The following LRFN1 variants were observed in gnomAD, a reference collection of about 807,000 sequenced individuals.
LRFN1 encodes leucine-rich repeat and fibronectin type III domain-containing protein 1.
LRFN1 carries 20 observed loss-of-function variants against 31.8 expected under a neutral mutation model. The ratio of observed to expected loss-of-function variants is 0.63; its 90% CI spans 0.44 to 0.91. The LOEUF (loss-of-function observed/expected upper bound fraction) is 0.91. Among genes scored for constraint, LRFN1 ranks in the 40% least tolerant of loss-of-function variants. The pLI is 0.00. For synonymous variants in LRFN1, 514 were observed against 541.3 expected, an observed-to-expected ratio of 0.95 and a Z score of 0.70; for missense variants, 912 against 1,129.8, an observed-to-expected ratio of 0.81 and a Z score of 2.76.
Position 39,314,569 on chromosome 19 carries a change from G to C in LRFN1, c.768C>G (p.Cys256Trp). The change falls in exon 4 of 5, where the codon TGC (cysteine) becomes TGG (tryptophan). Residue 256 changes from cysteine (C) to tryptophan (W), a missense_variant. By Grantham distance (215) the Cys-to-Trp change is radical. This residue lies in a region of LRFN1 where 401 missense variants were observed against 572.7 expected (regional missense o/e 0.70). Coordinates refer to ENST00000248668, the MANE Select transcript of LRFN1 (RefSeq NM_020862.2). ...GCCGCAGCCAGAGCAGCTCGCAGTT[G>C]CAGTGCAGGGGGTTGCCGCCGAAGC... ...TVSFGGNPLH[C>W]NCELLWLRRL... 6.2e-7 allele frequency: 1 copy of C among 1,610,234 alleles called. No individual in the cohort carries two copies. Among genetic ancestry groups the C allele is most frequent in the Non-Finnish European group, 8.5e-7 (1 of 1,178,690 alleles).
In LRFN1 at chr19:39,315,100, G is replaced by T. The variant is rs764514391; in HGVS notation, c.237C>A (p.Ala79=). 6.3e-7 allele frequency: 1 copy of T among 1,594,222 alleles called. No homozygotes were observed. Among genetic ancestry groups the T allele is most frequent in the Admixed American group, 1.7e-5 (1 of 59,360 alleles). Residue 79 remains alanine (A), a synonymous_variant, in exon 4 of 5, where the codon GCC becomes GCA. Coordinates refer to ENST00000248668, the MANE Select transcript of LRFN1 (RefSeq NM_020862.2). This position sits in a 1 kb window ranked among gnomAD's most constrained non-coding sequence, Gnocchi z 4.7. ...TGTTGGCGAAGTCTCGGCGGCGCAC[G>T]GCGGCGATGAAGTTGTCGGTGAGCC... ...ELRLTDNFIA[A]VRRRDFANMT... is the part of the protein sequence containing the mutation.
Position 39,307,311 on chromosome 19 carries a change from G to C in LRFN1, c.*322C>G, listed in dbSNP as rs1396348121. Reference sequence around the variant, plus strand: ...GTGTCTCAGTGCTGCAGTGTCAGGGGGCCCTGCCCCTCCCCGCGCTTCGCT... The same window carrying C: ...GTGTCTCAGTGCTGCAGTGTCAGGGCGCCCTGCCCCTCCCCGCGCTTCGCT... On this transcript the variant is annotated 3_prime_UTR_variant, in exon 5 of 5. Coordinates refer to ENST00000248668, the MANE Select transcript of LRFN1 (RefSeq NM_020862.2). The surrounding 1 kb of genome is among the most constrained non-coding windows in gnomAD (Gnocchi z 6.7). 7.5e-6 allele frequency: 3 copies of C among 399,686 alleles called. No individual in the cohort carries two copies. 24.8% of individuals were successfully genotyped at this position (399,686 alleles called of 1,614,324 possible).
intron 2 of LRFN1, among the ~76,000 whole-genome samples, chr19:39,317,885 A>G (rs1309700997): frequency 6.6e-6 from 1 of 152,184 alleles, no homozygotes; most frequent in Non-Finnish European, 1.5e-5. Flanking sequence ...CTCAGCCACC[A>G]GGAGGTCAGG....
rs530577309 is a variant in LRFN1, at chr19:39,320,368, G to A, written c.-126+425C>T. 7.4e-5 allele frequency among the ~76,000 whole-genome samples: 11 copies of A among 148,662 alleles called. No homozygotes were observed. The South Asian group carries it at 1.3e-3, about 17-fold the overall frequency. On this transcript the variant is annotated intron_variant, in intron 1 of 4. Coordinates refer to ENST00000248668, the MANE Select transcript of LRFN1 (RefSeq NM_020862.2). ...AATGGACACCCGAGCGGGCACACCC[G>A]GCTCCACAGACCCGGGGATGGACAT...
intron 2 of LRFN1, among the ~76,000 whole-genome samples, 178 bp from the exon 3 acceptor site, chr19:39,316,314 G>C (rs548766401): frequency 5.9e-5 from 9 of 152,170 alleles, no homozygotes; most frequent in Non-Finnish European, 1.3e-4. Flanking sequence ...CTATTATTGA[G>C]AGTAAGTACT....
chr19:39,313,669 C>T (rs1414901970), intron 4 of LRFN1, among the ~76,000 whole-genome samples: 1 of 152,200 alleles, frequency 6.6e-6, no homozygotes, highest in Non-Finnish European at 1.5e-5. Flanking sequence ...GGGCAGGGTT[C>T]ATGCTGAGCT....
Position 39,307,364 on chromosome 19 carries a change from C to G in LRFN1, c.*269G>C, listed in dbSNP as rs897536557. 2.5e-6 allele frequency: 1 copy of G among 405,650 alleles called. No individual in the cohort carries two copies. Among genetic ancestry groups the G allele is most frequent in the East Asian group, 3.6e-5 (1 of 28,038 alleles). The allele number at this position is 405,650 out of a possible 1,614,324, so 25.1% of individuals were successfully genotyped here. The stretch of plus-strand genomic sequence containing the variant: ...GTAAGGCACCGGCTCCAGCGAGGTC[C>G]GCGAGCGCGCGAGGGGAGGGGTAGG... On this transcript the variant is annotated 3_prime_UTR_variant, in exon 5 of 5. Transcript: ENST00000248668. This position sits in a 1 kb window ranked among gnomAD's most constrained non-coding sequence, Gnocchi z 6.7.
At chr19:39,312,083 T>A (rs1568568806) in intron 4 of LRFN1, among the ~76,000 whole-genome samples, 1 of 152,046 alleles carries the variant, frequency 6.6e-6, no homozygotes, top group Non-Finnish European at 1.5e-5. Context: ...TTGGCCAGGC[T>A]GGTCTTGAAC....
chr19:39,314,178 C>T lies in LRFN1; in HGVS notation c.1159G>A (p.Val387Met), dbSNP rs2145035125. Reference sequence around the variant, plus strand: ...GGTGCCATCAGAGGCAGAGGTACCACGCACACCTCCACGGGCGCCGTCGCT... The same window carrying T: ...GGTGCCATCAGAGGCAGAGGTACCATGCACACCTCCACGGGCGCCGTCGCT... Reference protein sequence around the residue: ...GEATAPVEVCVVPLPLMAPPP... With the variant: ...GEATAPVEVCMVPLPLMAPPP... The change falls in exon 4 of 5, where the codon GTG (valine) becomes ATG (methionine). Residue 387 changes from valine to methionine, a missense_variant. Physicochemically the swap from Val to Met is conservative, Grantham distance 21. Coordinates refer to ENST00000248668, the MANE Select transcript of LRFN1 (RefSeq NM_020862.2). 4 of 1,613,170 alleles carry T rather than the reference C, an allele frequency of 2.5e-6. No homozygotes were observed. The highest frequency in any genetic ancestry group is 3.4e-6 in the Non-Finnish European group (4 of 1,179,666).
intron 2 of LRFN1, among the ~76,000 whole-genome samples, chr19:39,316,339 A>G (rs972646184): frequency 3.9e-5 from 6 of 152,162 alleles, no homozygotes; most frequent in African/African-American, 1.4e-4. Flanking sequence ...AATCAAACAG[A>G]CTCAGGTTCA....
Position 39,314,452 on chromosome 19 carries a change from C to T in LRFN1, c.885G>A (p.Leu295=). Residue 295 remains leucine (L), a synonymous_variant, in exon 4 of 5, where the codon CTG becomes CTA. Transcript: ENST00000248668. ...YFWSIPEEEF[L]CEPPLITRQA... The stretch of plus-strand genomic sequence containing the variant: ...GCCGTGTGATCAGCGGGGGCTCACA[C>T]AGGAACTCCTCCTCGGGGATGGACC... 1 of 1,610,006 alleles carries T rather than the reference C, an allele frequency of 6.2e-7. No homozygotes were observed. Among genetic ancestry groups the T allele is most frequent in the Non-Finnish European group, 8.5e-7 (1 of 1,179,058 alleles).
At position 39,307,601 on chromosome 19, in the gene LRFN1, G is replaced by C. The variant is rs770660326; in HGVS notation, c.*32C>G. The stretch of plus-strand genomic sequence containing the variant: ...CCGTGCGGCTGGGCGTTTGGTCTGC[G>C]GCACCCAGGCGTCCCGGCGCCCGCC... On this transcript the variant is annotated 3_prime_UTR_variant, in exon 5 of 5. Coordinates refer to ENST00000248668, the MANE Select transcript of LRFN1 (RefSeq NM_020862.2). The surrounding 1 kb of genome is among the most constrained non-coding windows in gnomAD (Gnocchi z 6.7). The C allele has an allele frequency of 1.5e-6, 2 of 1,376,466 alleles. No homozygotes were observed. The highest frequency in any genetic ancestry group is 3.3e-5 in the South Asian group (2 of 59,936). The allele number at this position is 1,376,466 out of a possible 1,614,324, so 85.3% of individuals were successfully genotyped here.
intron 4 of LRFN1, 93 bp downstream of exon 4, chr19:39,313,838 G>T (rs1253277963): frequency 5.7e-6 from 7 of 1,230,898 alleles, no homozygotes; most frequent in Non-Finnish European, 5.6e-6. Flanking sequence ...CTAGAACCCT[G>T]GCTGAGCAAG....
chr19:39,307,588 G>A lies in LRFN1; in HGVS notation c.*45C>T, dbSNP rs985694952. 2.9e-6 allele frequency: 4 copies of A among 1,365,900 alleles called. No homozygotes were observed. The highest frequency in any genetic ancestry group is 1.9e-6 in the Non-Finnish European group (2 of 1,066,090). The allele number at this position is 1,365,900 out of a possible 1,614,324, so 84.6% of individuals were successfully genotyped here. A position where few individuals can be genotyped will look rare whatever the true frequency, so the allele number is the denominator to read the frequency against. ...CCCGCCCCAGCGTCCGTGCGGCTGG[G>A]CGTTTGGTCTGCGGCACCCAGGCGT... On this transcript the variant is annotated 3_prime_UTR_variant, in exon 5 of 5. Transcript: ENST00000248668. This position sits in a 1 kb window ranked among gnomAD's most constrained non-coding sequence, Gnocchi z 6.7.
chr19:39,317,187 G>A (rs958957694), intron 2 of LRFN1, among the ~76,000 whole-genome samples: 5 of 151,846 alleles, frequency 3.3e-5, no homozygotes, highest in African/African-American at 1.2e-4. Flanking sequence ...GAGAGACACA[G>A]AAAAAAGACA....
At chr19:39,319,597 C>T (rs1234663428) in intron 1 of LRFN1, among the ~76,000 whole-genome samples, 1 of 152,180 alleles carries the variant, frequency 6.6e-6, no homozygotes, top group Non-Finnish European at 1.5e-5. Flanking sequence ...TTACACACTT[C>T]CAAATGCATA....
chr19:39,313,999 C>T lies in LRFN1; in HGVS notation c.1338G>A (p.Arg446=). The T allele has an allele frequency of 1.2e-6, 2 of 1,611,386 alleles. No individual in the cohort carries two copies. Among genetic ancestry groups the T allele is most frequent in the Non-Finnish European group, 1.7e-6 (2 of 1,179,686 alleles). ...NSVLIRWPAQ[R]PVPGIRMYQV... is the part of the protein sequence containing the mutation. ...GGTACATGCGTATTCCGGGCACAGG[C>T]CTCTGGGCTGGCCAGCGGATGAGCA... The change falls in exon 4 of 5, where the codon AGG becomes AGA. Residue 446 remains arginine, a synonymous_variant. Transcript: ENST00000248668.
chr19:39,307,792 G>A lies in LRFN1; in HGVS notation c.2157C>T (p.Tyr719=), dbSNP rs751453455. 7.4e-6 allele frequency: 11 copies of A among 1,487,524 alleles called. 1 individual carries two copies. The highest frequency in any genetic ancestry group is 1.5e-5 in the African/African-American group (1 of 68,582). 92.1% of individuals were successfully genotyped at this position (1,487,524 alleles called of 1,614,324 possible). The change falls in exon 5 of 5, where the codon TAC becomes TAT. Residue 719 remains tyrosine (Y), a synonymous_variant. Transcript: ENST00000248668. The surrounding 1 kb of genome is among the most constrained non-coding windows in gnomAD (Gnocchi z 6.7). ...DYGALFQSHS[Y]PRRARRTKRH... is the part of the protein sequence containing the mutation. Reference sequence around the variant, plus strand: ...GCTTTGTCCGCCGGGCGCGGCGCGGGTAACTGTGGCTCTGGAATAGTGCCC... The same window carrying A: ...GCTTTGTCCGCCGGGCGCGGCGCGGATAACTGTGGCTCTGGAATAGTGCCC...
Position 39,314,419 on chromosome 19 carries a change from C to T in LRFN1, c.918G>A (p.Gly306=), listed in dbSNP as rs2145035508. The change falls in exon 4 of 5, where the codon GGG becomes GGA. Residue 306 remains glycine (G), a synonymous_variant. Coordinates refer to ENST00000248668, the MANE Select transcript of LRFN1 (RefSeq NM_020862.2). ...GGCCTTCCACCACCAGGGCCCGGCC[C>T]CCCGCCTGCCGTGTGATCAGCGGGG... ...CEPPLITRQA[G]GRALVVEGQA... The T allele has an allele frequency of 1.9e-6, 3 of 1,605,864 alleles. No homozygotes were observed. Among genetic ancestry groups the T allele is most frequent in the Non-Finnish European group, 2.5e-6 (3 of 1,177,712 alleles).
Sources: allele counts gnomAD v4.1 joint callset (sites outside exome capture counted in the v4.1 genomes callset), GRCh38; gene constraint gnomAD v4.1.1; regional missense constraint gnomAD v4.1.1; non-coding constraint Gnocchi (gnomAD v3.1); transcripts MANE v1.5; gene names NCBI Gene and HGNC (gene_info 2026-07-23, HGNC 2026-07-21).